The following GRID1 variants were observed in gnomAD, a reference collection of about 807,000 sequenced individuals.
GRID1 encodes the protein glutamate receptor ionotropic, delta-1.
A neutral mutation model predicts 98.0 loss-of-function variants in GRID1; 28 were observed. That is an observed-to-expected ratio of 0.29 (90% CI 0.21 to 0.39). The LOEUF (loss-of-function observed/expected upper bound fraction) is 0.39, where lower values mean the gene tolerates loss of function less well. GRID1 is among the 10% of genes least tolerant of loss of function. The pLI is 1.00. For synonymous variants in GRID1, 553 were observed against 538.5 expected (o/e 1.03, Z -0.37); for missense variants, 1,111 against 1,340.5 (o/e 0.83, Z 2.67).
Position 85,699,935 on chromosome 10 carries a change from C to T in GRID1, c.1997+23068G>A, listed in dbSNP as rs117148238. Among the ~76,000 whole-genome samples the T allele has an allele frequency of 6.4e-4, 98 of 152,256 alleles. 2 individuals carry two copies. In the East Asian group the frequency reaches 0.017, roughly 26 times the overall value. Reference sequence around the variant, plus strand: ...TAAATTGCAGTTTATACCAACATGCCTATTTTACATATATGGAAACTAAAC... The same window carrying T: ...TAAATTGCAGTTTATACCAACATGCTTATTTTACATATATGGAAACTAAAC... On this transcript the variant is annotated intron_variant, in intron 12 of 15. Coordinates refer to ENST00000327946, the MANE Select transcript of GRID1 (RefSeq NM_017551.3).
chr10:85,885,872 T>C lies in GRID1; in HGVS notation c.781-16692A>G, dbSNP rs556500316. On this transcript the variant is annotated intron_variant, in intron 5 of 15. Coordinates refer to ENST00000327946, the MANE Select transcript of GRID1 (RefSeq NM_017551.3). ...AAGATACATGTATAGTATAATATAA[T>C]AAAAACTTAGATGAGGACACACCCA... Among the ~76,000 whole-genome samples the C allele has an allele frequency of 1.7e-4, 26 of 152,342 alleles. 2 individuals are homozygous for C. Among genetic ancestry groups the C allele is most frequent in the African/African-American group, 5.8e-4 (24 of 41,586 alleles).
rs34762002 is a variant in GRID1 at position 85,822,611 on chromosome 10, A to C, written c.1233+31885T>G. On this transcript the variant is annotated intron_variant, in intron 8 of 15. Coordinates refer to ENST00000327946, the MANE Select transcript of GRID1 (RefSeq NM_017551.3). The stretch of plus-strand genomic sequence containing the variant: ...GGTGGGACTGTAAACTAGTTCAACC[A>C]TTGTGGAAGTCGGTGTGGCGATTCC... 5.6e-3 allele frequency among the ~76,000 whole-genome samples: 851 copies of C among 152,188 alleles called. 7 individuals are homozygous for C. The highest frequency in any genetic ancestry group is 0.019 in the African/African-American group (799 of 41,466).
intron 2 of GRID1, among the ~76,000 whole-genome samples, chr10:86,328,647 G>T (rs953013630): frequency 1.1e-4 from 17 of 152,188 alleles, no homozygotes; most frequent in African/African-American, 3.6e-4. Flanking sequence ...ATGTGCAGCT[G>T]GCTGGTGCCC....
chr10:86,067,828 C>G (rs988129439), intron 4 of GRID1, among the ~76,000 whole-genome samples: 3 of 152,206 alleles, frequency 2.0e-5, no homozygotes, highest in African/African-American at 7.2e-5. Flanking sequence ...CCAGAGCTCC[C>G]CTTAAGATCA....
chr10:86,198,310 C>T (rs942356601), intron 3 of GRID1, among the ~76,000 whole-genome samples: 1 of 152,078 alleles, frequency 6.6e-6, no homozygotes, highest in African/African-American at 2.4e-5. Flanking sequence ...GGTGTGTAAC[C>T]TGCAGGTGAA....
At chr10:86,124,269 C>T (rs1275226077) in intron 4 of GRID1, among the ~76,000 whole-genome samples, 1 of 152,134 alleles carries the variant, frequency 6.6e-6, no homozygotes, top group Non-Finnish European at 1.5e-5. Flanking sequence ...CTGACAAAGG[C>T]CTGAAAGCCC....
At chr10:85,622,525 G>A (rs1316576164) in intron 13 of GRID1, among the ~76,000 whole-genome samples, 3 of 152,126 alleles carry the variant, frequency 2.0e-5, no homozygotes, top group East Asian at 1.9e-4. Flanking sequence ...ACAGGTTCAC[G>A]CCACTATGCC....
chr10:86,299,466 A>G (rs2132080549), intron 2 of GRID1, among the ~76,000 whole-genome samples: 1 of 151,404 alleles, frequency 6.6e-6, no homozygotes, highest in East Asian at 2.0e-4. Context: ...TATATCTCCT[A>G]ATGCTATCCC....
chr10:86,348,561 G>A lies in GRID1; in HGVS notation c.235+15380C>T, dbSNP rs146579038. ...CCAGCAGCCACAGGGGCCTGGTGTC[G>A]GGAAGATGCCCTGGGGAGCTCTGAG... On this transcript the variant is annotated intron_variant, in intron 2 of 15. Coordinates refer to ENST00000327946, the MANE Select transcript of GRID1 (RefSeq NM_017551.3). Among the ~76,000 whole-genome samples the A allele has an allele frequency of 7.8e-3, 1,186 of 152,292 alleles. 18 individuals are homozygous for A. The highest frequency in any genetic ancestry group is 0.027 in the African/African-American group (1,115 of 41,552).
At chr10:85,945,913 A>T (rs1842048242) in intron 4 of GRID1, among the ~76,000 whole-genome samples, 1 of 152,196 alleles carries the variant, frequency 6.6e-6, no homozygotes, top group Admixed American at 6.5e-5. Context: ...CCGACCATTC[A>T]TTTTCAAAAT....
intron 8 of GRID1, among the ~76,000 whole-genome samples, chr10:85,778,913 G>C (rs1842357876): frequency 1.3e-5 from 2 of 152,166 alleles, no homozygotes; most frequent in Admixed American, 1.3e-4. Flanking sequence ...ATATAGCTGG[G>C]AAGAGTGTGG....
intron 13 of GRID1, among the ~76,000 whole-genome samples, chr10:85,639,244 A>G (rs1843085755): frequency 6.6e-6 from 1 of 152,204 alleles, no homozygotes; most frequent in South Asian, 2.1e-4. Context: ...ACACACACAA[A>G]AAAAGAAGTA....
intron 4 of GRID1, among the ~76,000 whole-genome samples, chr10:86,085,519 T>TA (rs561446846): frequency 6.6e-6 from 1 of 152,304 alleles, no homozygotes; most frequent in African/African-American, 2.4e-5. Context: ...AGAGTCCTGG[T>TA]GCTCCAGGGA....
At chr10:85,638,493 T>C (rs1366926377) in intron 13 of GRID1, among the ~76,000 whole-genome samples, 2 of 152,178 alleles carry the variant, frequency 1.3e-5, no homozygotes, top group Non-Finnish European at 2.9e-5. Flanking sequence ...GGCATAAGAA[T>C]AGTTATATGG....
intron 8 of GRID1, among the ~76,000 whole-genome samples, chr10:85,832,055 T>A (rs114522566): frequency 0.13 from 20,211 of 151,810 alleles, 1,395 homozygotes; most frequent in African/African-American, 0.18. Context: ...AAGAAAACAA[T>A]TTTTTTTGTG....
chr10:85,957,915 T>C (rs548123861), intron 4 of GRID1, among the ~76,000 whole-genome samples: 1 of 152,132 alleles, frequency 6.6e-6, no homozygotes, highest in African/African-American at 2.4e-5. Context: ...CCTATCAAGG[T>C]GAGACAAGCT....
Position 86,206,265 on chromosome 10 carries a change from C to T in GRID1, c.520+99G>A. The stretch of plus-strand genomic sequence containing the variant: ...ACCTGGAGGCCCACTCAGCACAGAC[C>T]ACCCCTGACCGGTCCAGGGCCCCAC... On this transcript the variant is annotated intron_variant, in intron 3 of 15. Coordinates refer to ENST00000327946, the MANE Select transcript of GRID1 (RefSeq NM_017551.3). This position sits in a 1 kb window ranked among gnomAD's most constrained non-coding sequence, Gnocchi z 4.1. 5.9e-6 allele frequency: 7 copies of T among 1,182,958 alleles called. No homozygotes were observed. Among genetic ancestry groups the T allele is most frequent in the Non-Finnish European group, 8.3e-6 (7 of 848,286 alleles). The allele number at this position is 1,182,958 out of a possible 1,614,324, so 73.3% of individuals were successfully genotyped here.
chr10:85,792,826 C>T (rs567416040), intron 8 of GRID1, among the ~76,000 whole-genome samples: 58 of 152,246 alleles, frequency 3.8e-4, no homozygotes, highest in African/African-American at 8.4e-4. Flanking sequence ...TCTGAGTTCC[C>T]GTCAGAGTAC....
At chr10:85,848,277 C>A (rs1843025767) in intron 8 of GRID1, among the ~76,000 whole-genome samples, 1 of 151,804 alleles carries the variant, frequency 6.6e-6, no homozygotes, top group Non-Finnish European at 1.5e-5. Context: ...TCTGGTAATT[C>A]TACTTCTTAA....
Sources: gnomAD v4.1 joint callset for allele counts (sites outside exome capture counted in the v4.1 genomes callset) on GRCh38, gnomAD v4.1.1 for gene constraint, Gnocchi (gnomAD v3.1) non-coding constraint, MANE v1.5 for transcripts, NCBI Gene and HGNC (gene_info 2026-07-23, HGNC 2026-07-21) for gene names.